PPP4R3B: variants seen among roughly 807,000 people sequenced by gnomAD.
PPP4R3B encodes the protein serine/threonine-protein phosphatase 4 regulatory subunit 3B.
In PPP4R3B, 52 loss-of-function variants were observed where a neutral mutation model predicts 95.4. The observed-to-expected ratio is 0.54, with a 90% CI of 0.44 to 0.69. The LOEUF is 0.69. Ranked by LOEUF, PPP4R3B falls within the 30% of genes least tolerant of loss-of-function variation. The pLI, the probability that PPP4R3B is intolerant of heterozygous loss-of-function variation, is 0.00. For synonymous variants in PPP4R3B, 407 were observed against 343.9 expected (o/e 1.18, Z -2.03); for missense variants, 1,003 against 1,005.9 (o/e 1.00, Z 0.04).
In PPP4R3B at chr2:55,573,762, G is replaced by A; in HGVS notation, c.1622C>T (p.Ala541Val). The change falls in exon 12 of 17, where the codon GCA becomes GTA. Residue 541 changes from alanine (A) to valine (V), a missense_variant. Physicochemically the swap from Ala to Val is moderately conservative, Grantham distance 64 (BLOSUM62 0). Transcript: ENST00000616407. The part of the protein sequence containing the change: ...NTICPDNYQT[A>V]QLLALILELL... Reference sequence around the variant, plus strand: ...CTCTAAAATTAAGGCAAGTAGCTGTGCTGTTTGATAATTATCTACAAAAGA... The same window carrying A: ...CTCTAAAATTAAGGCAAGTAGCTGTACTGTTTGATAATTATCTACAAAAGA... 1 of 1,517,362 alleles carries A rather than the reference G, an allele frequency of 6.6e-7. No homozygotes were observed. Among genetic ancestry groups the A allele is most frequent in the Non-Finnish European group, 8.8e-7 (1 of 1,136,726 alleles). The allele number at this position is 1,517,362 out of a possible 1,614,324, so 94.0% of individuals were successfully genotyped here. A position where few individuals can be genotyped will look rare whatever the true frequency, so the allele number is the denominator to read the frequency against.
intron 2 of PPP4R3B, among the ~76,000 whole-genome samples, chr2:55,605,449 T>C (rs1189033346): frequency 6.6e-6 from 1 of 152,194 alleles, no homozygotes; most frequent in African/African-American, 2.4e-5. Flanking sequence ...ATGAAAAATA[T>C]TATTTAATTA....
chr2:55,615,003 C>T (rs527471391), intron 2 of PPP4R3B: 2 of 153,268 alleles, frequency 1.3e-5, no homozygotes, highest in Admixed American at 1.3e-4. Flanking sequence ...TAAAAATACA[C>T]AACAATTAAA....
chr2:55,573,373 T>C (rs1273917191), intron 12 of PPP4R3B, among the ~76,000 whole-genome samples: 1 of 152,186 alleles, frequency 6.6e-6, no homozygotes, highest in African/African-American at 2.4e-5. Flanking sequence ...GTTAGTAAAA[T>C]GCTGTCACTG....
rs759251158 is a variant in PPP4R3B, at chr2:55,579,673, C to G, written c.1468+6G>C. On this transcript the variant is annotated splice_donor_region_variant and intron_variant, in intron 9 of 16. Transcript: ENST00000616407. ...AAATCACAGCAGATAAATAAAGAGA[C>G]CCTACCCTTTTCACATTTGTCTTCT... 5 of 1,573,944 alleles carry G rather than the reference C, an allele frequency of 3.2e-6. No homozygotes were observed. In the Admixed American group the frequency reaches 9.1e-5, roughly 29 times the overall value.
At chr2:55,605,897 T>G (rs1312370409) in intron 2 of PPP4R3B, among the ~76,000 whole-genome samples, 1 of 121,036 alleles carries the variant, frequency 8.3e-6, no homozygotes, top group African/African-American at 3.5e-5. Context: ...AGTGCGAGAC[T>G]CCGTCTCAAA....
intron 3 of PPP4R3B, among the ~76,000 whole-genome samples, chr2:55,599,428 A>G (rs1420661343): frequency 6.6e-6 from 1 of 152,148 alleles, no homozygotes; most frequent in Non-Finnish European, 1.5e-5. Context: ...ACAAAGCAAG[A>G]CTCTGTCTCA....
chr2:55,565,445 AAG>A (rs1332616285), intron 13 of PPP4R3B, among the ~76,000 whole-genome samples: 1 of 152,054 alleles, frequency 6.6e-6, no homozygotes, highest in African/African-American at 2.4e-5. Flanking sequence ...TTGAGGCTCT[AAG>A]AGAGGCTGGA....
intron 10 of PPP4R3B, among the ~76,000 whole-genome samples, chr2:55,577,964 C>T (rs1318776323): frequency 2.0e-5 from 3 of 152,000 alleles, no homozygotes; most frequent in African/African-American, 7.2e-5. Flanking sequence ...GAAACAAATG[C>T]ACATTAGAGG....
intron 10 of PPP4R3B, among the ~76,000 whole-genome samples, chr2:55,577,907 A>G (rs1361258876): frequency 6.6e-6 from 1 of 152,142 alleles, no homozygotes; most frequent in Non-Finnish European, 1.5e-5. Context: ...GTGCACAGGG[A>G]AACACAAGAA....
chr2:55,573,589 A>C (rs2104079433), intron 12 of PPP4R3B, 30 bp downstream of exon 12: 1 of 1,516,456 alleles, frequency 6.6e-7, no homozygotes, highest in Non-Finnish European at 8.8e-7. Context: ...TCTATTAAAA[A>C]TGTTGCTCCT....
At chr2:55,583,839 C>T (rs1689742219) in intron 7 of PPP4R3B, among the ~76,000 whole-genome samples, 1 of 152,122 alleles carries the variant, frequency 6.6e-6, no homozygotes, top group South Asian at 2.1e-4. Flanking sequence ...ATGCAAAACA[C>T]ATAAAACAAC....
chr2:55,573,883 CT>C, intron 11 of PPP4R3B, 106 bp from the exon 12 acceptor site: 1 of 576,684 alleles, frequency 1.7e-6, no homozygotes, highest in Non-Finnish European at 2.5e-6. Context: ...ACTGTATTTC[CT>C]CCTTTTTTTT....
At chr2:55,611,025 C>T (rs549196082) in intron 2 of PPP4R3B, among the ~76,000 whole-genome samples, 2 of 152,152 alleles carry the variant, frequency 1.3e-5, no homozygotes, top group East Asian at 1.9e-4. Context: ...GTCACCATGC[C>T]CAGCTAATTT....
At chr2:55,562,362 C>T (rs528446996) in intron 15 of PPP4R3B, among the ~76,000 whole-genome samples, 13 of 152,246 alleles carry the variant, frequency 8.5e-5, no homozygotes, top group African/African-American at 3.1e-4. Flanking sequence ...GCAGAGGTTG[C>T]AGTGAGCCGA....
At chr2:55,582,294 G>C (rs908336039) in intron 7 of PPP4R3B, among the ~76,000 whole-genome samples, 1 of 151,936 alleles carries the variant, frequency 6.6e-6, no homozygotes, top group Admixed American at 6.5e-5. Flanking sequence ...ACGGAGTCTC[G>C]TTCTCTTGCC....
chr2:55,615,881 A>AAAAAAAAAAAAAAAAAAAC (rs1694847479), intron 1 of PPP4R3B, among the ~76,000 whole-genome samples: 1 of 143,288 alleles, frequency 7.0e-6, no homozygotes, highest in African/African-American at 2.7e-5. Flanking sequence ...AAAAAAAAAA[A>AAAAAAAAAAAAAAAAAAAC]ATACACATTT....
chr2:55,599,619 C>A (rs1692274137), intron 3 of PPP4R3B, among the ~76,000 whole-genome samples: 1 of 152,130 alleles, frequency 6.6e-6, no homozygotes, highest in Non-Finnish European at 1.5e-5. Flanking sequence ...ATTACTACAA[C>A]ACAATCTGAT....
At chr2:55,572,407 C>T (rs922612844) in intron 12 of PPP4R3B, among the ~76,000 whole-genome samples, 6 of 152,002 alleles carry the variant, frequency 3.9e-5, no homozygotes, top group African/African-American at 1.2e-4. Flanking sequence ...CTCTAATATA[C>T]AAAAAGCTCT....
At chr2:55,570,754 A>T (rs958640618) in intron 12 of PPP4R3B, among the ~76,000 whole-genome samples, 1 of 152,202 alleles carries the variant, frequency 6.6e-6, no homozygotes, top group Non-Finnish European at 1.5e-5. Context: ...AATAAAACAG[A>T]AATAGGCCAC....
Sources: allele counts gnomAD v4.1 joint callset (sites outside exome capture counted in the v4.1 genomes callset), GRCh38; gene constraint gnomAD v4.1.1; transcripts MANE v1.5; gene names NCBI Gene and HGNC (gene_info 2026-07-23, HGNC 2026-07-21).